Variants in RBMS1 observed in about 807,000 individuals in gnomAD.
The protein encoded by RBMS1 is RNA binding motif single stranded interacting protein 1, also known as RNA-binding motif, single-stranded-interacting protein 1.
RBMS1 carries 17 observed loss-of-function variants against 62.3 expected under a neutral mutation model. The observed-to-expected ratio is 0.27, with a 90% CI of 0.19 to 0.41. RBMS1 has a LOEUF of 0.41. Among genes scored for constraint, RBMS1 ranks in the 10% least tolerant of loss-of-function variants. The pLI is 1.00. For missense variants in RBMS1, 334 were observed against 504.5 expected (o/e 0.66, Z 3.24); for synonymous variants, 172 against 170.0 (o/e 1.01, Z -0.09).
At position 160,272,634 on chromosome 2, in the gene RBMS1, A is replaced by C. The variant is rs919525219; in HGVS notation, c.*2138T>G. 6.6e-6 allele frequency: 1 copy of C among 152,214 alleles called. No individual in the cohort carries two copies. The highest frequency in any genetic ancestry group is 1.5e-5 in the Non-Finnish European group (1 of 68,042). 9.4% of individuals were successfully genotyped at this position (152,214 alleles called of 1,614,324 possible). On this transcript the variant is annotated 3_prime_UTR_variant, in exon 14 of 14. Transcript: ENST00000348849. Reference sequence around the variant, plus strand: ...TAATGCAAAAATATCAAGTAGTGAGAGACCCAGGTTTATAACTGTACTAGG... The same window carrying C: ...TAATGCAAAAATATCAAGTAGTGAGCGACCCAGGTTTATAACTGTACTAGG...
intron 1 of RBMS1, among the ~76,000 whole-genome samples, chr2:160,408,270 C>G (rs1333154967): frequency 6.6e-6 from 1 of 152,006 alleles, no homozygotes; most frequent in African/African-American, 2.4e-5. Flanking sequence ...ACTCTGGCAC[C>G]TCGGTCTTCC....
rs181261689 is a variant in RBMS1, at chr2:160,346,362, G to A, written c.251+20854C>T. Among the ~76,000 whole-genome samples the A allele has an allele frequency of 2.3e-3, 355 of 152,216 alleles. 1 individual carries two copies. The highest frequency in any genetic ancestry group is 8.1e-3 in the African/African-American group (338 of 41,534). ...CTGCATGGGGCCCTGGGGCAGCCTG[G>A]GCATTCTTTCAGAAGAGTGGCCTGC... On this transcript the variant is annotated intron_variant, in intron 2 of 13. Transcript: ENST00000348849.
chr2:160,426,204 A>AAG (rs540982341), intron 1 of RBMS1, among the ~76,000 whole-genome samples: 133 of 148,150 alleles, frequency 9.0e-4, no homozygotes, highest in Non-Finnish European at 1.3e-3. Flanking sequence ...GAAAGGAAGA[A>AAG]AGAGAGAGAG....
At chr2:160,476,168 T>G (rs1685118546) in intron 1 of RBMS1, among the ~76,000 whole-genome samples, 1 of 152,146 alleles carries the variant, frequency 6.6e-6, no homozygotes, top group African/African-American at 2.4e-5. Flanking sequence ...ACCGCCTCCC[T>G]TTTCTATACA....
intron 2 of RBMS1, among the ~76,000 whole-genome samples, chr2:160,338,283 A>G (rs955338143): frequency 1.3e-5 from 2 of 152,210 alleles, no homozygotes; most frequent in Non-Finnish European, 2.9e-5. Context: ...GATGAACTTA[A>G]TGAAAATATT....
At chr2:160,471,717 A>ATATATATAT (rs1422014155) in intron 1 of RBMS1, among the ~76,000 whole-genome samples, 4 of 53,950 alleles carry the variant, frequency 7.4e-5, no homozygotes, top group East Asian at 1.1e-3. Context: ...ATATATATAT[A>ATATATATAT]ACCTTTCATA....
intron 4 of RBMS1, among the ~76,000 whole-genome samples, chr2:160,306,740 T>G (rs1689549671): frequency 6.6e-6 from 1 of 152,018 alleles, no homozygotes; most frequent in South Asian, 2.1e-4. Context: ...TTTTTCTTTT[T>G]AAATTTTACT....
At chr2:160,423,204 T>C (rs886916899) in intron 1 of RBMS1, among the ~76,000 whole-genome samples, 1 of 151,806 alleles carries the variant, frequency 6.6e-6, no homozygotes, top group Admixed American at 6.6e-5. Flanking sequence ...GCTTTTCTTT[T>C]TCTTTTCTTT....
At chr2:160,413,129 A>T (rs960907209) in intron 1 of RBMS1, among the ~76,000 whole-genome samples, 1 of 152,254 alleles carries the variant, frequency 6.6e-6, no homozygotes, top group African/African-American at 2.4e-5. Context: ...GAACCATTTC[A>T]GGCACCCATT....
At chr2:160,445,017 A>C (rs920180454) in intron 1 of RBMS1, among the ~76,000 whole-genome samples, 2 of 152,170 alleles carry the variant, frequency 1.3e-5, no homozygotes, top group African/African-American at 4.8e-5. Flanking sequence ...CAGACTAATC[A>C]ATCCACTCTG....
chr2:160,343,101 A>C (rs1691972264), intron 2 of RBMS1, among the ~76,000 whole-genome samples: 1 of 152,206 alleles, frequency 6.6e-6, no homozygotes, highest in Non-Finnish European at 1.5e-5. Context: ...ATCCAGAAGA[A>C]GACCACTGCC....
intron 3 of RBMS1, among the ~76,000 whole-genome samples, chr2:160,315,683 C>T (rs1016616859): frequency 6.6e-6 from 1 of 152,228 alleles, no homozygotes; most frequent in Non-Finnish European, 1.5e-5. Context: ...CTTACATGCA[C>T]TTCTGTAAGT....
At chr2:160,277,873 C>A (rs2105928588) in intron 11 of RBMS1, 2 of 157,434 alleles carry the variant, frequency 1.3e-5, no homozygotes, top group South Asian at 3.7e-4. Context: ...GTCATCCTTT[C>A]CCAAAGGCAG....
At chr2:160,452,909 A>G (rs1338092200) in intron 1 of RBMS1, among the ~76,000 whole-genome samples, 1 of 152,220 alleles carries the variant, frequency 6.6e-6, no homozygotes, top group Admixed American at 6.5e-5. Flanking sequence ...GAGGGAAGTG[A>G]TAAGTTGTGA....
chr2:160,313,245 A>G lies in RBMS1; in HGVS notation c.313T>C (p.Tyr105His). Residue 105 changes from tyrosine to histidine, a missense_variant and splice_region_variant, in exon 4 of 14, where the codon TAT becomes CAT. Around this residue, in one of 3 missense-constraint regions of RBMS1, gnomAD observed 150 missense variants for 228.0 expected, o/e 0.66. Coordinates refer to ENST00000348849, the MANE Select transcript of RBMS1 (RefSeq NM_016836.4). ...LDKTTNKCKG[Y>H]GFVDFDSPAA... is the part of the protein sequence containing the mutation. ...GGGCTGTCAAAGTCGACAAAACCATAACCTGAAATGCAAAAACACACTTAG... is the reference window on the plus strand; with the variant it reads ...GGGCTGTCAAAGTCGACAAAACCATGACCTGAAATGCAAAAACACACTTAG... 1 of 1,613,276 alleles carries G rather than the reference A, an allele frequency of 6.2e-7. No homozygotes were observed. Among genetic ancestry groups the G allele is most frequent in the Non-Finnish European group, 8.5e-7 (1 of 1,179,448 alleles).
At chr2:160,427,309 A>T (rs1347850452) in intron 1 of RBMS1, among the ~76,000 whole-genome samples, 2 of 152,148 alleles carry the variant, frequency 1.3e-5, no homozygotes, top group African/African-American at 2.4e-5. Flanking sequence ...CATAGCTAAA[A>T]CTGTACCTCC....
intron 2 of RBMS1, among the ~76,000 whole-genome samples, chr2:160,361,514 C>T (rs1693126869): frequency 6.6e-6 from 1 of 152,218 alleles, no homozygotes; most frequent in Non-Finnish European, 1.5e-5. Context: ...TTCCAGACCG[C>T]TGCCATACAG....
rs570434370 is a variant in RBMS1, at chr2:160,446,235, C to T, written c.75+47054G>A. Among the ~76,000 whole-genome samples, 20 of 152,298 alleles carry T rather than the reference C, an allele frequency of 1.3e-4. No homozygotes were observed. The East Asian group carries it at 3.9e-3, about 29-fold the overall frequency. The stretch of plus-strand genomic sequence containing the variant: ...AAAGTTACCTAGTCCCAGCCTCATC[C>T]AATACTTGAACCCTGTCTATGACAG... On this transcript the variant is annotated intron_variant, in intron 1 of 13. Coordinates refer to ENST00000348849, the MANE Select transcript of RBMS1 (RefSeq NM_016836.4).
chr2:160,370,592 G>C (rs942642901), intron 1 of RBMS1, among the ~76,000 whole-genome samples: 1 of 152,178 alleles, frequency 6.6e-6, no homozygotes, highest in Non-Finnish European at 1.5e-5. Flanking sequence ...AAAAGGTTAG[G>C]CCATGTGCCA....
Sources: allele counts gnomAD v4.1 joint callset (sites outside exome capture counted in the v4.1 genomes callset), GRCh38; gene constraint gnomAD v4.1.1; regional missense constraint gnomAD v4.1.1; transcripts MANE v1.5; gene names NCBI Gene and HGNC (gene_info 2026-07-23, HGNC 2026-07-21).